SAFB2: variants seen among roughly 807,000 people sequenced by gnomAD.
SAFB2 encodes scaffold attachment factor B2.
A neutral mutation model predicts 100.6 loss-of-function variants in SAFB2; 32 were observed. The observed-to-expected ratio is 0.32, with a 90% CI of 0.24 to 0.43. The LOEUF (loss-of-function observed/expected upper bound fraction) is 0.43. Ranked by LOEUF, SAFB2 falls within the 20% of genes least tolerant of loss-of-function variation. SAFB2 has a pLI of 1.00. For missense variants in SAFB2, 1,185 were observed against 1,163.4 expected (o/e 1.02, Z -0.27); for synonymous variants, 500 against 439.4 (o/e 1.14, Z -1.72).
chr19:5,595,573 C>T (rs1350429501), intron 13 of SAFB2, 76 bp from the exon 14 acceptor site: 14 of 1,546,174 alleles, frequency 9.1e-6, no homozygotes, highest in East Asian at 2.2e-5. Flanking sequence ...TGCACGTGTG[C>T]ATGAGACTAA....
At chr19:5,621,002 G>T (rs2053128603) in intron 2 of SAFB2, among the ~76,000 whole-genome samples, 1 of 152,154 alleles carries the variant, frequency 6.6e-6, no homozygotes, top group African/African-American at 2.4e-5. Context: ...AGGTACATTT[G>T]GTTCCTCAGA....
At chr19:5,595,326 A>AC (rs2052513096) in intron 14 of SAFB2, 35 bp downstream of exon 14, 5 of 1,594,130 alleles carry the variant, frequency 3.1e-6, no homozygotes, top group Non-Finnish European at 4.2e-6. Context: ...CCGAGAGGAA[A>AC]CCACCAGCCC....
rs73920027 is a variant in SAFB2, at chr19:5,607,761, G to T, written c.1296+2234C>A. On this transcript the variant is annotated intron_variant, in intron 9 of 20. Coordinates refer to ENST00000252542, the MANE Select transcript of SAFB2 (RefSeq NM_014649.3). ...TGACTCAGGGCATCAACCTAAGCAAGGCATTCCCCGTCTCTGGACCTCATG... is the reference window on the plus strand; with the variant it reads ...TGACTCAGGGCATCAACCTAAGCAATGCATTCCCCGTCTCTGGACCTCATG... 5.1e-3 allele frequency among the ~76,000 whole-genome samples: 783 copies of T among 152,334 alleles called. 10 individuals are homozygous for T. The highest frequency in any genetic ancestry group is 0.018 in the African/African-American group (761 of 41,578).
Position 5,612,563 on chromosome 19 carries a change from A to G in SAFB2, c.611T>C (p.Ile204Thr), listed in dbSNP as rs998279102. 11 of 1,613,322 alleles carry G rather than the reference A, an allele frequency of 6.8e-6. No homozygotes were observed. The highest frequency in any genetic ancestry group is 9.3e-6 in the Non-Finnish European group (11 of 1,179,494). ...ACCTGGCTCCAAAAGGGATTCTTCA[A>G]TGTCCTATTTAAAAAAGAAAAAGCA... ...SSLNFKVTPDIEESLLEPENE... is the reference protein window; with the variant it reads ...SSLNFKVTPDTEESLLEPENE... The change falls in exon 6 of 21, where the codon ATT (isoleucine) becomes ACT (threonine). Residue 204 changes from isoleucine to threonine, a missense_variant. Coordinates refer to ENST00000252542, the MANE Select transcript of SAFB2 (RefSeq NM_014649.3).
intron 14 of SAFB2, 102 bp from the exon 15 acceptor site, chr19:5,594,280 T>A (rs1354890289): frequency 1.7e-5 from 23 of 1,328,756 alleles, no homozygotes; most frequent in Non-Finnish European, 2.2e-5. Context: ...AAAAAAAAAA[T>A]GGATCCAAAA....
intron 18 of SAFB2, 30 bp from the exon 19 acceptor site, chr19:5,588,010 T>C: frequency 6.3e-7 from 1 of 1,589,774 alleles, no homozygotes; most frequent in South Asian, 1.1e-5. Context: ...CATGCAGCCA[T>C]CTAATGAGCC....
At chr19:5,591,887 T>C in intron 16 of SAFB2, 94 bp from the exon 17 acceptor site, 1 of 1,186,628 alleles carries the variant, frequency 8.4e-7, no homozygotes. Context: ...ACTTTTTCCA[T>C]CCCATCACAT....
chr19:5,612,680 ACTTT>A (rs2052934012), intron 5 of SAFB2, 113 bp from the exon 6 acceptor site: 2 of 810,660 alleles, frequency 2.5e-6, no homozygotes, highest in Non-Finnish European at 4.1e-6. Context: ...TTTCCACAAA[ACTTT>A]CTTGTCTCCA....
intron 14 of SAFB2, among the ~76,000 whole-genome samples, chr19:5,595,085 G>A (rs2052507469): frequency 2.0e-5 from 3 of 152,156 alleles, no homozygotes; most frequent in African/African-American, 4.8e-5. Flanking sequence ...CTGGCTTCAG[G>A]GGATCCTCTG....
chr19:5,606,503 T>G (rs981021613), intron 9 of SAFB2, among the ~76,000 whole-genome samples: 1 of 152,126 alleles, frequency 6.6e-6, no homozygotes, highest in Admixed American at 6.5e-5. Flanking sequence ...GGTACATGCC[T>G]GTGGTCTCAG....
At chr19:5,619,265 G>C (rs1005590627) in intron 2 of SAFB2, among the ~76,000 whole-genome samples, 1 of 152,150 alleles carries the variant, frequency 6.6e-6, no homozygotes, top group Non-Finnish European at 1.5e-5. Flanking sequence ...AGGCCTGCAG[G>C]GCCTGAGCAC....
At chr19:5,604,229 G>A (rs552672783) in intron 11 of SAFB2, among the ~76,000 whole-genome samples, 2 of 152,264 alleles carry the variant, frequency 1.3e-5, no homozygotes, top group African/African-American at 4.8e-5. Flanking sequence ...TTGGTAACAT[G>A]GCGAAACCGC....
chr19:5,603,616 CTACGCCAAGG>C lies in SAFB2; in HGVS notation c.1559+957_1559+966del, dbSNP rs1438449136. Among the ~76,000 whole-genome samples the C allele has an allele frequency of 3.6e-4, 55 of 152,338 alleles. 1 individual carries two copies. Among genetic ancestry groups the C allele is most frequent in the Admixed American group, 1.5e-3 (23 of 15,304 alleles). The stretch of plus-strand genomic sequence containing the variant: ...ACCTCAGACCCATGGTTCCCAACTA[CTACGCCAAGG>C]TACGCCAAGGTACCCCAAGGTGCCA... On this transcript the variant is annotated intron_variant, in intron 11 of 20. Transcript: ENST00000252542.
rs2052443256 is a variant in SAFB2, at chr19:5,592,868, G to A, written c.2227C>T (p.Pro743Ser). ...TCCATTGCCACACGCTTTCCTTCTG[G>A]CCAATAGGCATCATCTCGTCTGTTG... ...DLDRRDDAYW[P>S]EGKRVAMEDR... is the part of the protein sequence containing the mutation. The change falls in exon 16 of 21, where the codon CCA (proline) becomes TCA (serine). Residue 743 changes from proline to serine, a missense_variant. Around this residue, in one of 3 missense-constraint regions of SAFB2, gnomAD observed 740 missense variants for 687.1 expected, o/e 1.08. Transcript: ENST00000252542. 3 of 1,613,938 alleles carry A rather than the reference G, an allele frequency of 1.9e-6. No individual in the cohort carries two copies. Among genetic ancestry groups the A allele is most frequent in the African/African-American group, 1.3e-5 (1 of 74,906 alleles).
chr19:5,595,459 T>C lies in SAFB2; in HGVS notation c.1821A>G (p.Glu607=). 1 of 1,613,988 alleles carries C rather than the reference T, an allele frequency of 6.2e-7. No individual in the cohort carries two copies. Among genetic ancestry groups the C allele is most frequent in the Non-Finnish European group, 8.5e-7 (1 of 1,180,016 alleles). The change falls in exon 14 of 21, where the codon GAA becomes GAG. Residue 607 remains glutamate (E), a synonymous_variant. Transcript: ENST00000252542. ...KSQDRKSESK[E]KRDILSFDKI... ...TATCAAACGACAAGATGTCTCTCTTTTCTTTGCTTTCTGACTTGCGATCCT... is the reference window on the plus strand; with the variant it reads ...TATCAAACGACAAGATGTCTCTCTTCTCTTTGCTTTCTGACTTGCGATCCT...
chr19:5,599,001 G>C (rs2052595034), intron 12 of SAFB2, 117 bp from the exon 13 acceptor site: 1 of 841,084 alleles, frequency 1.2e-6, no homozygotes, highest in Non-Finnish European at 1.9e-6. Flanking sequence ...TCAAGTGACT[G>C]ACACTAGCCT....
intron 11 of SAFB2, among the ~76,000 whole-genome samples, chr19:5,602,778 G>A (rs1262011043): frequency 6.6e-6 from 1 of 152,128 alleles, no homozygotes; most frequent in Admixed American, 6.6e-5. Flanking sequence ...AATGAAACAC[G>A]CAAGATACCA....
chr19:5,590,381 C>G lies in SAFB2; in HGVS notation c.2422G>C (p.Gly808Arg). The change falls in exon 18 of 21, where the codon GGA becomes CGA. Residue 808 changes from glycine (G) to arginine (R), a missense_variant. Physicochemically the swap from Gly to Arg is moderately radical, Grantham distance 125. Transcript: ENST00000252542. ...CGGCCGTGGCGCTCTGGGGGTCCTC[C>G]GTGGCCATGGCGGTCATCTCCATAG... ...QHYGDDRHGH[G>R]GPPERHGRDS... 1 of 1,611,362 alleles carries G rather than the reference C, an allele frequency of 6.2e-7. No individual in the cohort carries two copies. The highest frequency in any genetic ancestry group is 8.5e-7 in the Non-Finnish European group (1 of 1,179,066).
chr19:5,589,355 G>C (rs974008162), intron 18 of SAFB2, among the ~76,000 whole-genome samples: 2 of 152,114 alleles, frequency 1.3e-5, no homozygotes, highest in African/African-American at 4.8e-5. Context: ...GAGAAGCTTC[G>C]GGTGTCCTGG....
Sources: allele counts gnomAD v4.1 joint callset (sites outside exome capture counted in the v4.1 genomes callset), GRCh38; gene constraint gnomAD v4.1.1; regional missense constraint gnomAD v4.1.1; transcripts MANE v1.5; gene names NCBI Gene and HGNC (gene_info 2026-07-23, HGNC 2026-07-21).